CAPN6: variants seen among roughly 807,000 people sequenced by gnomAD.
CAPN6 encodes the protein calpain-6.
In CAPN6, 16 loss-of-function variants were observed where a neutral mutation model predicts 46.0. The observed-to-expected ratio is 0.35, with a 90% CI of 0.24 to 0.53. CAPN6 has a LOEUF of 0.53. Among genes scored for constraint, CAPN6 ranks in the 20% least tolerant of loss-of-function variants. The pLI is 0.94. For synonymous variants in CAPN6, 206 were observed against 172.8 expected (o/e 1.19, Z -1.51); for missense variants, 461 against 498.0 (o/e 0.93, Z 0.71).
chrX:111,256,321 C>T (rs2094983712), intron 2 of CAPN6, among the ~76,000 whole-genome samples: 1 of 110,810 alleles, frequency 9.0e-6, no homozygotes, highest in South Asian at 3.9e-4. Flanking sequence ...ATCGCTTGAA[C>T]CCGGGAGGCA....
At position 111,248,922 on chromosome X, in the gene CAPN6, T is replaced by A. The variant is rs778090365; in HGVS notation, c.1281+13A>T. ...TTGCCTTCATTCTCTCTGCCCCAAATGCCCATTTTTACCTTGAAGAGCTCA... is the reference window on the plus strand; with the variant it reads ...TTGCCTTCATTCTCTCTGCCCCAAAAGCCCATTTTTACCTTGAAGAGCTCA... On this transcript the variant is annotated intron_variant, in intron 9 of 12. Transcript: ENST00000324068. The A allele has an allele frequency of 8.3e-7, 1 of 1,211,627 alleles. No individual in the cohort carries two copies. Among genetic ancestry groups the A allele is most frequent in the African/African-American group, 1.7e-5 (1 of 57,806 alleles).
Position 111,251,011 on chromosome X carries a change from G to A in CAPN6, c.1064C>T (p.Ser355Leu), listed in dbSNP as rs1286458208. The A allele has an allele frequency of 8.3e-7, 1 of 1,209,498 alleles. No individual in the cohort carries two copies. The highest frequency in any genetic ancestry group is 1.1e-6 in the Non-Finnish European group (1 of 894,978). Residue 355 changes from serine (S) to leucine (L), a missense_variant, in exon 8 of 13, where the codon TCG becomes TTG. Transcript: ENST00000324068. ...ATCCACAGTCCAGCATCCCAACACC[G>A]ATTCCAGCTCCTTTCGGCCAAAAAT... Reference protein sequence around the residue: ...NPIFGRKELESVLGCWTVDDD... With the variant: ...NPIFGRKELELVLGCWTVDDD...
chrX:111,247,545 G>A (rs1479222878), intron 11 of CAPN6, 41 bp from the exon 12 acceptor site: 2 of 1,168,573 alleles, frequency 1.7e-6, no homozygotes, highest in Non-Finnish European at 2.3e-6. Context: ...AGCAATTAAA[G>A]TTCCTTTTCT....
chrX:111,254,122 A>G, intron 3 of CAPN6, 150 bp downstream of exon 3: 6 of 678,156 alleles, frequency 8.8e-6, no homozygotes, highest in Non-Finnish European at 1.3e-5. Context: ...AAAACTTCTT[A>G]TAATGAAATG....
chrX:111,259,805 T>G (rs752860715), intron 2 of CAPN6, among the ~76,000 whole-genome samples: 1 of 111,665 alleles, frequency 9.0e-6, no homozygotes, highest in South Asian at 3.8e-4. Context: ...TAAGACACTA[T>G]TGTAGGTAGA....
At chrX:111,262,568 A>G (rs1312654919) in intron 2 of CAPN6, among the ~76,000 whole-genome samples, 1 of 112,139 alleles carries the variant, frequency 8.9e-6, no homozygotes, top group African/African-American at 3.2e-5. Flanking sequence ...GAATGTCTTC[A>G]GGATATTATG....
rs1271411480 is a variant in CAPN6, at chrX:111,253,190, T to C, written c.324A>G (p.Glu108=). The change falls in exon 4 of 13, where the codon GAA becomes GAG. Residue 108 remains glutamate, a synonymous_variant. Transcript: ENST00000324068. ...TKTIPNHKEQ[E]WDPQKTEKYA... ...ATTTTTCTGTTTTTTGAGGGTCCCA[T>C]TCCTGTTCCTTATGGTTGGGAATTG... 8.3e-7 allele frequency: 1 copy of C among 1,207,129 alleles called. No individual in the cohort carries two copies. Among genetic ancestry groups the C allele is most frequent in the Non-Finnish European group, 1.1e-6 (1 of 891,168 alleles).
At chrX:111,269,998 TC>T (rs975082487) in intron 1 of CAPN6, among the ~76,000 whole-genome samples, 1 of 111,582 alleles carries the variant, frequency 9.0e-6, no homozygotes, top group Non-Finnish European at 1.9e-5. Flanking sequence ...GCCACGCTTC[TC>T]CCCCTCAACA....
intron 12 of CAPN6, 110 bp from the exon 13 acceptor site, chrX:111,246,869 A>G (rs2094974952): frequency 4.7e-6 from 3 of 643,559 alleles, no homozygotes; most frequent in Non-Finnish European, 4.6e-6. Context: ...TTTTAAAACC[A>G]AGAGACTATT....
rs1490834971 is a variant in CAPN6 at position 111,251,760 on chromosome X, T to C, written c.700-18A>G. 5 of 1,170,955 alleles carry C rather than the reference T, an allele frequency of 4.3e-6. No homozygotes were observed. The highest frequency in any genetic ancestry group is 3.0e-5 in the East Asian group (1 of 33,503). On this transcript the variant is annotated intron_variant, in intron 5 of 12. Transcript: ENST00000324068. ...TTGGGAGACTGAGAGCAAAGAAAGA[T>C]ATATAAAGGCACAGGAATTGGGAGA...
chrX:111,259,455 C>T (rs2094986239), intron 2 of CAPN6, among the ~76,000 whole-genome samples: 1 of 112,186 alleles, frequency 8.9e-6, no homozygotes, highest in African/African-American at 3.2e-5. Flanking sequence ...AAAAGTGTTT[C>T]TTTCCTTACG....
Position 111,250,967 on chromosome X carries a change from G to T in CAPN6, c.1108C>A (p.Arg370Ser). 8.3e-7 allele frequency: 1 copy of T among 1,210,813 alleles called. No individual in the cohort carries two copies. Among genetic ancestry groups the T allele is most frequent in the Non-Finnish European group, 1.1e-6 (1 of 894,998 alleles). Reference sequence around the variant, plus strand: ...CGGTTGTTATAGCAGCCTCCTGAGCGGTTCATCAGGGGATCATCATCCACA... The same window carrying T: ...CGGTTGTTATAGCAGCCTCCTGAGCTGTTCATCAGGGGATCATCATCCACA... Reference protein sequence around the residue: ...WTVDDDPLMNRSGGCYNNRDT... With the variant: ...WTVDDDPLMNSSGGCYNNRDT... Residue 370 changes from arginine to serine, a missense_variant, in exon 8 of 13, where the codon CGC (arginine) becomes AGC (serine). Arg to Ser is a moderately radical substitution (Grantham distance 110). Coordinates refer to ENST00000324068, the MANE Select transcript of CAPN6 (RefSeq NM_014289.4).
At chrX:111,264,233 C>T (rs1034374190) in intron 1 of CAPN6, among the ~76,000 whole-genome samples, 1 of 111,473 alleles carries the variant, frequency 9.0e-6, no homozygotes, top group Non-Finnish European at 1.9e-5. Flanking sequence ...GGGGAAAAAT[C>T]AATAATAAAA....
Position 111,247,459 on chromosome X carries a change from C to T in CAPN6, c.1652G>A (p.Arg551His), listed in dbSNP as rs748123427. 3.5e-5 allele frequency: 42 copies of T among 1,204,204 alleles called. No individual in the cohort carries two copies. The highest frequency in any genetic ancestry group is 1.9e-4 in the African/African-American group (11 of 56,511). The change falls in exon 12 of 13, where the codon CGT becomes CAT. Residue 551 changes from arginine (R) to histidine (H), a missense_variant. Coordinates refer to ENST00000324068, the MANE Select transcript of CAPN6 (RefSeq NM_014289.4). Reference protein sequence around the residue: ...LVIKCGKEEVRSPVQKNTVHA... With the variant: ...LVIKCGKEEVHSPVQKNTVHA... Reference sequence around the variant, plus strand: ...AACTGTATTCTTCTGGACAGGAGAACGGACTTCCTCCTTTCCACATTTGAT... The same window carrying T: ...AACTGTATTCTTCTGGACAGGAGAATGGACTTCCTCCTTTCCACATTTGAT...
Position 111,270,351 on chromosome X carries a change from C to G in CAPN6, c.-16+20G>C. 1 of 310,048 alleles carries G rather than the reference C, an allele frequency of 3.2e-6. No individual in the cohort carries two copies. Among genetic ancestry groups the G allele is most frequent in the Non-Finnish European group, 6.2e-6 (1 of 160,914 alleles). The allele number at this position is 310,048 out of a possible 1,213,427, so 25.6% of individuals were successfully genotyped here. On this transcript the variant is annotated intron_variant, in intron 1 of 12. Coordinates refer to ENST00000324068, the MANE Select transcript of CAPN6 (RefSeq NM_014289.4). Reference sequence around the variant, plus strand: ...GAAATAAAACTCCAGGGTAAGTTTGCGAATTCCCTCTCTACTCACCTGAGT... The same window carrying G: ...GAAATAAAACTCCAGGGTAAGTTTGGGAATTCCCTCTCTACTCACCTGAGT...
chrX:111,267,007 G>A (rs1015699247), intron 1 of CAPN6, among the ~76,000 whole-genome samples: 4 of 112,001 alleles, frequency 3.6e-5, no homozygotes, highest in South Asian at 7.5e-4. Context: ...CCAGAAATTT[G>A]TAAGTTGAGT....
At chrX:111,259,072 A>G (rs1245959722) in intron 2 of CAPN6, among the ~76,000 whole-genome samples, 1 of 112,261 alleles carries the variant, frequency 8.9e-6, no homozygotes, top group Non-Finnish European at 1.9e-5. Flanking sequence ...AATGTGCACA[A>G]GGGATCTTAT....
At chrX:111,263,666 A>G in intron 2 of CAPN6, 106 bp downstream of exon 2, 1 of 553,869 alleles carries the variant, frequency 1.8e-6, no homozygotes, top group Non-Finnish European at 2.7e-6. Flanking sequence ...AGGAAGGTTA[A>G]CTTCTAAATT....
At chrX:111,249,358 T>C (rs921177221) in intron 8 of CAPN6, among the ~76,000 whole-genome samples, 3 of 111,138 alleles carry the variant, frequency 2.7e-5, no homozygotes, top group African/African-American at 9.8e-5. Flanking sequence ...TGTATTATTA[T>C]TATTATTATT....
Sources: allele counts gnomAD v4.1 joint callset (sites outside exome capture counted in the v4.1 genomes callset), GRCh38; gene constraint gnomAD v4.1.1; transcripts MANE v1.5; gene names NCBI Gene and HGNC (gene_info 2026-07-23, HGNC 2026-07-21).